AQP7B: variants seen among roughly 807,000 people sequenced by gnomAD.
The protein encoded by AQP7B is aquaporin 7B.
the AQP7B span, among the ~76,000 whole-genome samples, chr2:94,595,205 C>A: frequency 2.0e-5 from 3 of 152,098 alleles, no homozygotes; most frequent in African/African-American, 7.2e-5. Context: ...GAGGCTTAGG[C>A]AGGTGGATCA....
chr2:94,595,089 TG>T, the AQP7B span, among the ~76,000 whole-genome samples: 1 of 152,124 alleles, frequency 6.6e-6, no homozygotes, highest in Non-Finnish European at 1.5e-5. Context: ...AACCATGCAC[TG>T]GGGTATCCGG....
the AQP7B span, among the ~76,000 whole-genome samples, chr2:94,595,861 C>T: frequency 2.0e-5 from 3 of 152,114 alleles, no homozygotes; most frequent in Non-Finnish European, 4.4e-5. Flanking sequence ...TAAACACAGG[C>T]AAGGGGCTGG....
At chr2:94,594,336 C>T in the AQP7B span, among the ~76,000 whole-genome samples, 8 of 152,212 alleles carry the variant, frequency 5.3e-5, no homozygotes, top group Admixed American at 2.0e-4. Flanking sequence ...AAAGTTCTGG[C>T]TCTAGCAGAT....
At chr2:94,600,629 G>A in the AQP7B span, among the ~76,000 whole-genome samples, 1 of 152,176 alleles carries the variant, frequency 6.6e-6, no homozygotes, top group South Asian at 2.1e-4. Context: ...TGTAATCCCA[G>A]CACTTTGGGA....
chr2:94,598,765 G>A, the AQP7B span, among the ~76,000 whole-genome samples: 3 of 152,180 alleles, frequency 2.0e-5, no homozygotes, highest in African/African-American at 4.8e-5. Context: ...CCCTGACACA[G>A]GGAATCATGT....
At chr2:94,598,735 C>T in the AQP7B span, among the ~76,000 whole-genome samples, 2 of 152,226 alleles carry the variant, frequency 1.3e-5, no homozygotes, top group Non-Finnish European at 2.9e-5. Flanking sequence ...GAATTACGTG[C>T]ATGAGTTGCC....
At chr2:94,591,807 G>T in the AQP7B span, among the ~76,000 whole-genome samples, 1 of 151,972 alleles carries the variant, frequency 6.6e-6, no homozygotes, top group African/African-American at 2.4e-5. Context: ...TTCTTTTCTT[G>T]ACCTAAATTT....
At chr2:94,602,763 C>A in the AQP7B span, 1 of 906,160 alleles carries the variant, frequency 1.1e-6, no homozygotes, top group Non-Finnish European at 1.6e-6. Flanking sequence ...GAACCCCGTG[C>A]CTATGACTTG....
At chr2:94,589,041 A>G in the AQP7B span, among the ~76,000 whole-genome samples, 1 of 143,744 alleles carries the variant, frequency 7.0e-6, no homozygotes, top group Admixed American at 7.1e-5. Flanking sequence ...GGAGTGCAAT[A>G]GCACGATCTT....
At chr2:94,593,393 G>T in the AQP7B span, among the ~76,000 whole-genome samples, 1 of 151,900 alleles carries the variant, frequency 6.6e-6, no homozygotes, top group Non-Finnish European at 1.5e-5. Flanking sequence ...GAGTTGAGGG[G>T]CTGGTGTCAG....
chr2:94,603,560 G>A, the AQP7B span: 1 of 1,522,906 alleles, frequency 6.6e-7, no homozygotes, highest in Non-Finnish European at 8.9e-7. Context: ...GACAGAGCCA[G>A]CAGGGAGTCC....
chr2:94,596,796 C>A, the AQP7B span, among the ~76,000 whole-genome samples: 1 of 152,180 alleles, frequency 6.6e-6, no homozygotes, highest in African/African-American at 2.4e-5. Context: ...ACCTCCCATA[C>A]TCAAGTGACT....
chr2:94,603,112 A>C, the AQP7B span: 3 of 1,571,322 alleles, frequency 1.9e-6, no homozygotes, highest in Non-Finnish European at 2.6e-6. Flanking sequence ...TTTCCAGTCC[A>C]TGTGCTGGGG....
the AQP7B span, chr2:94,604,250 A>G: frequency 2.6e-6 from 4 of 1,554,500 alleles, no homozygotes; most frequent in South Asian, 2.4e-5. Context: ...TGTCCTGGGC[A>G]TCAGCCCCCT....
the AQP7B span, chr2:94,594,635 T>G: frequency 4.2e-6 from 3 of 713,242 alleles, no homozygotes; most frequent in Non-Finnish European, 7.4e-6. Context: ...GAGGCGTGTG[T>G]GGCGAGGCTG....
At chr2:94,595,392 A>T in the AQP7B span, among the ~76,000 whole-genome samples, 2 of 151,992 alleles carry the variant, frequency 1.3e-5, no homozygotes, top group Non-Finnish European at 2.9e-5. Flanking sequence ...CTGAGATCAC[A>T]CCATTGCACT....
the AQP7B span, among the ~76,000 whole-genome samples, chr2:94,597,995 C>T: frequency 6.6e-6 from 1 of 152,218 alleles, no homozygotes; most frequent in African/African-American, 2.4e-5. Flanking sequence ...AATGCTCCCC[C>T]AGCCAGGGTA....
At chr2:94,603,887 G>A in the AQP7B span, 1 of 1,355,624 alleles carries the variant, frequency 7.4e-7, no homozygotes, top group Non-Finnish European at 1.0e-6. Flanking sequence ...CCGCCCCCCA[G>A]CATCTTCACC....
At chr2:94,603,794 C>T in the AQP7B span, 7 of 1,528,430 alleles carry the variant, frequency 4.6e-6, no homozygotes, top group South Asian at 1.2e-5. Context: ...GGAACACACG[C>T]GCTGGTGATA....
Sources: allele counts gnomAD v4.1 joint callset (sites outside exome capture counted in the v4.1 genomes callset), GRCh38; gene constraint gnomAD v4.1.1; transcripts MANE v1.5; gene names NCBI Gene and HGNC (gene_info 2026-07-23, HGNC 2026-07-21).